Variants in CTIF observed in about 807,000 individuals in gnomAD.
CTIF encodes the protein CBP80/20-dependent translation initiation factor.
A neutral mutation model predicts 66.0 loss-of-function variants in CTIF; 21 were observed. That is an observed-to-expected ratio of 0.32 (90% CI 0.23 to 0.46). CTIF has a LOEUF of 0.46. Ranked by LOEUF, CTIF falls within the 20% of genes least tolerant of loss-of-function variation. The pLI, the probability that CTIF is intolerant of heterozygous loss-of-function variation, is 1.00. For synonymous variants in CTIF, 345 were observed against 326.4 expected (o/e 1.06, Z -0.62); for missense variants, 739 against 812.7 (o/e 0.91, Z 1.10).
At chr18:48,781,235 T>C (rs543062797) in intron 9 of CTIF, among the ~76,000 whole-genome samples, 186 of 152,248 alleles carry the variant, frequency 1.2e-3, no homozygotes, top group Non-Finnish European at 2.5e-3. Context: ...AAGTCAGCTG[T>C]GTGTGCAGAC....
intron 1 of CTIF, among the ~76,000 whole-genome samples, chr18:48,560,751 T>G (rs1226049138): frequency 6.6e-6 from 1 of 151,960 alleles, no homozygotes; most frequent in Non-Finnish European, 1.5e-5. Context: ...TGTTGTATTT[T>G]TTGTAGAGAC....
At chr18:48,557,669 T>G (rs570299106) in intron 1 of CTIF, among the ~76,000 whole-genome samples, 1 of 152,378 alleles carries the variant, frequency 6.6e-6, no homozygotes, top group African/African-American at 2.4e-5. Context: ...CTCCACAGAC[T>G]GGGTGGCTTA....
At chr18:48,561,604 A>C (rs138022727) in intron 1 of CTIF, among the ~76,000 whole-genome samples, 1 of 152,350 alleles carries the variant, frequency 6.6e-6, no homozygotes, top group African/African-American at 2.4e-5. Context: ...CCCCACTTTC[A>C]GGAAGCCCAA....
At chr18:48,707,199 GAATT>G (rs2092167663) in intron 6 of CTIF, among the ~76,000 whole-genome samples, 1 of 152,232 alleles carries the variant, frequency 6.6e-6, no homozygotes, top group Non-Finnish European at 1.5e-5. Flanking sequence ...GCTGAGCAAA[GAATT>G]AAAGCAAAGT....
At chr18:48,705,599 A>G (rs989446497) in intron 6 of CTIF, among the ~76,000 whole-genome samples, 3 of 152,200 alleles carry the variant, frequency 2.0e-5, no homozygotes, top group Non-Finnish European at 4.4e-5. Context: ...TACAGATGGG[A>G]TCACACCAGG....
intron 1 of CTIF, among the ~76,000 whole-genome samples, chr18:48,576,288 G>T (rs763371851): frequency 2.6e-4 from 39 of 152,372 alleles, no homozygotes; most frequent in South Asian, 1.2e-3. Flanking sequence ...ACTCAGTGTC[G>T]CGTGATGTGT....
intron 7 of CTIF, among the ~76,000 whole-genome samples, chr18:48,746,677 A>G (rs993633324): frequency 2.6e-5 from 4 of 151,418 alleles, no homozygotes; most frequent in South Asian, 4.2e-4. Flanking sequence ...TCAGTGTGGC[A>G]TGGTCTCTTC....
At chr18:48,824,059 A>G (rs1040344916) in intron 10 of CTIF, among the ~76,000 whole-genome samples, 13 of 152,174 alleles carry the variant, frequency 8.5e-5, no homozygotes, top group Admixed American at 8.5e-4. Flanking sequence ...TGCAAAAAAC[A>G]TAATCAACAT....
In CTIF at chr18:48,594,785, C is replaced by T. The variant is rs1238650501; in HGVS notation, c.-28-24753C>T. Among the ~76,000 whole-genome samples, 4 of 152,250 alleles carry T rather than the reference C, an allele frequency of 2.6e-5. No individual in the cohort carries two copies. The East Asian group carries it at 5.8e-4, about 22-fold the overall frequency. ...TTTTGATAGATCGAGAAGACTAGAA[C>T]TATCCAAGGAACGAGAACTGCCCCG... On this transcript the variant is annotated intron_variant, in intron 1 of 11. Coordinates refer to ENST00000256413, the MANE Select transcript of CTIF (RefSeq NM_014772.3).
chr18:48,759,316 G>A (rs908386608), intron 8 of CTIF, among the ~76,000 whole-genome samples: 4 of 152,156 alleles, frequency 2.6e-5, no homozygotes, highest in Non-Finnish European at 5.9e-5. Context: ...CTTCCGCAGA[G>A]CTCCATGTTC....
At chr18:48,765,310 C>G (rs544616693) in intron 9 of CTIF, among the ~76,000 whole-genome samples, 1 of 152,150 alleles carries the variant, frequency 6.6e-6, no homozygotes, top group Non-Finnish European at 1.5e-5. Flanking sequence ...ATCTGGCTCT[C>G]GGTCCCCAAC....
At chr18:48,691,473 C>T (rs1204376108) in intron 6 of CTIF, among the ~76,000 whole-genome samples, 1 of 152,238 alleles carries the variant, frequency 6.6e-6, no homozygotes, top group South Asian at 2.1e-4. Flanking sequence ...GATTTCCCTC[C>T]AGTCAGTCAC....
intron 3 of CTIF, among the ~76,000 whole-genome samples, chr18:48,642,670 A>G (rs1326072805): frequency 2.6e-5 from 4 of 152,182 alleles, no homozygotes; most frequent in African/African-American, 9.7e-5. Context: ...ATACAGGCAA[A>G]GTCTGTTCCC....
At chr18:48,576,731 A>G (rs1027869337) in intron 1 of CTIF, among the ~76,000 whole-genome samples, 79 of 152,364 alleles carry the variant, frequency 5.2e-4, no homozygotes, top group African/African-American at 1.8e-3. Flanking sequence ...GAATAAAAGG[A>G]CGCAGGGAGG....
chr18:48,563,455 C>G lies in CTIF; in HGVS notation c.-29+24143C>G, dbSNP rs114647377. Among the ~76,000 whole-genome samples the G allele has an allele frequency of 4.6e-3, 701 of 152,258 alleles. 5 individuals are homozygous for G. Among genetic ancestry groups the G allele is most frequent in the African/African-American group, 0.016 (667 of 41,550 alleles). On this transcript the variant is annotated intron_variant, in intron 1 of 11. Transcript: ENST00000256413. ...GCCCTGTACAGAAGGGTCTCCTGTTCTAAGGTTTTTTTTGTTTTGTTTTGT... is the reference window on the plus strand; with the variant it reads ...GCCCTGTACAGAAGGGTCTCCTGTTGTAAGGTTTTTTTTGTTTTGTTTTGT...
intron 6 of CTIF, among the ~76,000 whole-genome samples, chr18:48,674,574 C>G (rs532105355): frequency 3.3e-4 from 51 of 152,358 alleles, no homozygotes; most frequent in African/African-American, 1.2e-3. Flanking sequence ...CCAGCCAAAG[C>G]CAAGGCCCCT....
intron 9 of CTIF, among the ~76,000 whole-genome samples, chr18:48,815,075 T>TA (rs1227863265): frequency 3.9e-5 from 6 of 152,168 alleles, no homozygotes; most frequent in Non-Finnish European, 8.8e-5. Flanking sequence ...CTTTCCAATT[T>TA]AAAAACACCA....
chr18:48,632,542 C>T (rs1033581998), intron 2 of CTIF, among the ~76,000 whole-genome samples: 4 of 152,200 alleles, frequency 2.6e-5, no homozygotes, highest in Non-Finnish European at 5.9e-5. Flanking sequence ...ATGTGGGACC[C>T]TCCTTCCCCA....
chr18:48,722,952 A>G (rs1004337908), intron 7 of CTIF, among the ~76,000 whole-genome samples: 1 of 152,224 alleles, frequency 6.6e-6, no homozygotes, highest in East Asian at 1.9e-4. Flanking sequence ...TCAGCAATTC[A>G]CAAGCACTTC....
Sources: allele counts gnomAD v4.1 joint callset (sites outside exome capture counted in the v4.1 genomes callset), GRCh38; gene constraint gnomAD v4.1.1; transcripts MANE v1.5; gene names NCBI Gene and HGNC (gene_info 2026-07-23, HGNC 2026-07-21).